The following CELSR2 variants were observed in gnomAD, a reference collection of about 807,000 sequenced individuals.
The protein encoded by CELSR2 is cadherin EGF LAG seven-pass G-type receptor 2, also known as EGF-like protein 2.
A neutral mutation model predicts 251.6 loss-of-function variants in CELSR2; 81 were observed. That is an observed-to-expected ratio of 0.32 (90% CI 0.27 to 0.39). The LOEUF (loss-of-function observed/expected upper bound fraction) is 0.39. Among genes scored for constraint, CELSR2 ranks in the 10% least tolerant of loss-of-function variants. The pLI, the probability that CELSR2 is intolerant of heterozygous loss-of-function variation, is 1.00. For missense variants in CELSR2, 3,365 were observed against 3,947.7 expected, an observed-to-expected ratio of 0.85 and a Z score of 3.96; for synonymous variants, 1,721 against 1,670.5, an observed-to-expected ratio of 1.03 and a Z score of -0.74.
intron 5 of CELSR2, 27 bp from the exon 6 acceptor site, chr1:109,262,260 C>T (rs1402389400): frequency 6.2e-7 from 1 of 1,610,498 alleles, no homozygotes; most frequent in African/African-American, 1.3e-5. Context: ...CTCAGTGTCC[C>T]CCTTCTCTGC....
chr1:109,272,204 T>A (rs1656390253), intron 28 of CELSR2, 74 bp from the exon 29 acceptor site: 2 of 1,504,050 alleles, frequency 1.3e-6, no homozygotes, highest in Non-Finnish European at 1.8e-6. Context: ...GCAAGTTCCC[T>A]CCACCCTCCT....
chr1:109,254,444 T>C (rs1183350750), intron 1 of CELSR2, among the ~76,000 whole-genome samples: 1 of 152,078 alleles, frequency 6.6e-6, no homozygotes, highest in Non-Finnish European at 1.5e-5. Flanking sequence ...GTATTCTGTC[T>C]TTTTTTATCA....
In CELSR2 at chr1:109,250,047, G is replaced by T; in HGVS notation, c.-33G>T. 1 of 1,317,728 alleles carries T rather than the reference G, an allele frequency of 7.6e-7. No individual in the cohort carries two copies. Among genetic ancestry groups the T allele is most frequent in the Non-Finnish European group, 9.6e-7 (1 of 1,041,978 alleles). The allele number at this position is 1,317,728 out of a possible 1,614,324, so 81.6% of individuals were successfully genotyped here. A position where few individuals can be genotyped will look rare whatever the true frequency, so the allele number is the denominator to read the frequency against. On this transcript the variant is annotated 5_prime_UTR_variant, in exon 1 of 34. Coordinates refer to ENST00000271332, the MANE Select transcript of CELSR2 (RefSeq NM_001408.3). This position sits in a 1 kb window ranked among gnomAD's most constrained non-coding sequence, Gnocchi z 4.4. ...AGCCGGAGGAGGAGCCGCCGCCGCC[G>T]TTGACCCGGCCGCCGGCCGGGAGCT...
intron 10 of CELSR2, 21 bp downstream of exon 10, chr1:109,264,386 T>TC: frequency 1.9e-6 from 2 of 1,033,896 alleles, no homozygotes; most frequent in Non-Finnish European, 2.8e-6. Flanking sequence ...TGCCCTGCCC[T>TC]CCCATCCCCT....
Position 109,264,567 on chromosome 1 carries a change from G to C in CELSR2, c.5403G>C (p.Pro1801=), listed in dbSNP as rs777511741. 1 of 1,614,196 alleles carries C rather than the reference G, an allele frequency of 6.2e-7. No homozygotes were observed. Among genetic ancestry groups the C allele is most frequent in the African/African-American group, 1.3e-5 (1 of 75,072 alleles). Residue 1801 remains proline (P), a synonymous_variant, in exon 11 of 34, where the codon CCG becomes CCC. Transcript: ENST00000271332. The part of the protein sequence containing the change: ...CSLPDPCDSN[P]CPANSYCSND... ...TGCCTGACCCTTGTGACTCAAACCCGTGTCCTGCTAACAGCTATTGCAGCA... is the reference window on the plus strand; with the variant it reads ...TGCCTGACCCTTGTGACTCAAACCCCTGTCCTGCTAACAGCTATTGCAGCA...
intron 2 of CELSR2, among the ~76,000 whole-genome samples, chr1:109,259,434 CGTACT>C (rs1472918813): frequency 6.6e-6 from 1 of 152,184 alleles, no homozygotes; most frequent in East Asian, 1.9e-4. Flanking sequence ...AGATAATGAC[CGTACT>C]TAGGTCATAA....
chr1:109,272,375 G>A lies in CELSR2; in HGVS notation c.8024G>A (p.Ser2675Asn). The A allele has an allele frequency of 6.2e-7, 1 of 1,612,002 alleles. No homozygotes were observed. Among genetic ancestry groups the A allele is most frequent in the East Asian group, 2.2e-5 (1 of 44,814 alleles). The change falls in exon 29 of 34, where the codon AGT becomes AAT. Residue 2675 changes from serine to asparagine, a missense_variant. This residue lies in a region of CELSR2 where 2,093 missense variants were observed against 2,382.8 expected (regional missense o/e 0.88). Transcript: ENST00000271332. ...SLHSTSRSGKSQPSYIPFLLR... is the reference protein window; with the variant it reads ...SLHSTSRSGKNQPSYIPFLLR... Reference sequence around the variant, plus strand: ...CACAGCACCAGTCGCTCGGGCAAGAGTCAGCCCAGCTACATCCCCTTCTTG... The same window carrying A: ...CACAGCACCAGTCGCTCGGGCAAGAATCAGCCCAGCTACATCCCCTTCTTG...
chr1:109,259,031 C>T lies in CELSR2; in HGVS notation c.3910C>T (p.Arg1304Cys), dbSNP rs762331409. The stretch of plus-strand genomic sequence containing the variant: ...GCCCTGTGGCCCCCACGGGCGCTGC[C>T]GCAGCCGCGAGGGCGGCTACACCTG... The part of the protein sequence containing the change: ...SRPCGPHGRC[R>C]SREGGYTCLC... Residue 1304 changes from arginine (R) to cysteine (C), a missense_variant, in exon 2 of 34, where the codon CGC (arginine) becomes TGC (cysteine). Around this residue, in one of 5 missense-constraint regions of CELSR2, gnomAD observed 2,093 missense variants for 2,382.8 expected, o/e 0.88. Coordinates refer to ENST00000271332, the MANE Select transcript of CELSR2 (RefSeq NM_001408.3). The T allele has an allele frequency of 8.8e-6, 14 of 1,597,700 alleles. No homozygotes were observed. The Admixed American group carries it at 1.4e-4, about 15-fold the overall frequency.
rs1656503532 is a variant in CELSR2 at position 109,275,433 on chromosome 1, T to C, written c.*1384T>C. ...TTCCAGACTTGTCACTGACTTTCCT[T>C]CTGGAGCAGGTGGCTAGAAAAAGAG... On this transcript the variant is annotated 3_prime_UTR_variant, in exon 34 of 34. Coordinates refer to ENST00000271332, the MANE Select transcript of CELSR2 (RefSeq NM_001408.3). 1 of 152,232 alleles carries C rather than the reference T, an allele frequency of 6.6e-6. No homozygotes were observed. The highest frequency in any genetic ancestry group is 6.5e-5 in the Admixed American group (1 of 15,282). 9.4% of individuals were successfully genotyped at this position (152,232 alleles called of 1,614,324 possible).
Position 109,261,456 on chromosome 1 carries a change from G to C in CELSR2, c.4182-57G>C. 6.5e-7 allele frequency: 1 copy of C among 1,528,074 alleles called. No individual in the cohort carries two copies. The highest frequency in any genetic ancestry group is 2.3e-5 in the East Asian group (1 of 44,428). The allele number at this position is 1,528,074 out of a possible 1,614,324, so 94.7% of individuals were successfully genotyped here. A position where few individuals can be genotyped will look rare whatever the true frequency, so the allele number is the denominator to read the frequency against. ...CCCCTGCGCTGGTTAGGTGGCGGGG[G>C]TGCTGGCATCCAGGTGGGTACCCCA... On this transcript the variant is annotated intron_variant, in intron 3 of 33. Transcript: ENST00000271332. The surrounding 1 kb of genome is among the most constrained non-coding windows in gnomAD (Gnocchi z 4.8).
chr1:109,274,401 T>G lies in CELSR2; in HGVS notation c.*352T>G. ...TTTATACGCTGGAAATTGACTCCCC[T>G]TTCCCTTCCCAAAGAGGATAGGACC... On this transcript the variant is annotated 3_prime_UTR_variant, in exon 34 of 34. Transcript: ENST00000271332. The G allele has an allele frequency of 5.6e-6, 2 of 354,666 alleles. No individual in the cohort carries two copies. Among genetic ancestry groups the G allele is most frequent in the East Asian group, 5.4e-5 (1 of 18,662 alleles). 22.0% of individuals were successfully genotyped at this position (354,666 alleles called of 1,614,324 possible). A position where few individuals can be genotyped will look rare whatever the true frequency, so the allele number is the denominator to read the frequency against.
In CELSR2 at chr1:109,251,173, T is replaced by A; in HGVS notation, c.1094T>A (p.Leu365Gln). 1 of 1,613,536 alleles carries A rather than the reference T, an allele frequency of 6.2e-7. No individual in the cohort carries two copies. The highest frequency in any genetic ancestry group is 8.5e-7 in the Non-Finnish European group (1 of 1,180,004). The change falls in exon 1 of 34, where the codon CTG (leucine) becomes CAG (glutamine). Residue 365 changes from leucine (L) to glutamine (Q), a missense_variant. Physicochemically the swap from Leu to Gln is moderately radical, Grantham distance 113. Around this residue, in one of 5 missense-constraint regions of CELSR2, gnomAD observed 704 missense variants for 784.1 expected, o/e 0.90. Transcript: ENST00000271332. The surrounding 1 kb of genome is among the most constrained non-coding windows in gnomAD (Gnocchi z 4.9). ...VDREEVESYQ[L>Q]TVEASDQGRD... is the part of the protein sequence containing the mutation. ...CGGGAAGAGGTGGAATCCTACCAGC[T>A]GACGGTAGAGGCAAGTGACCAGGGT...
At chr1:109,267,274 G>T (rs189309488) in intron 15 of CELSR2, among the ~76,000 whole-genome samples, 1 of 152,182 alleles carries the variant, frequency 6.6e-6, no homozygotes, top group South Asian at 2.1e-4. Flanking sequence ...GCAGGAAGTG[G>T]CGGAGAGCAC....
intron 1 of CELSR2, among the ~76,000 whole-genome samples, chr1:109,255,108 G>A (rs982936882): frequency 1.3e-4 from 20 of 152,252 alleles, no homozygotes; most frequent in African/African-American, 4.1e-4. Flanking sequence ...CTCCTGGCCC[G>A]GCAGCTCTGG....
rs1656044724 is a variant in CELSR2 at position 109,262,451 on chromosome 1, A to G, written c.4544+7A>G. 6.2e-7 allele frequency: 1 copy of G among 1,612,800 alleles called. No homozygotes were observed. Among genetic ancestry groups the G allele is most frequent in the Non-Finnish European group, 8.5e-7 (1 of 1,179,818 alleles). On this transcript the variant is annotated splice_region_variant and intron_variant, in intron 6 of 33. Transcript: ENST00000271332. ...CCCAGGGTGGCAGCAAGAAGTGAGC[A>G]GGGGAAAGGGCCAGGGATGGGGTGA... is the stretch of plus-strand genomic sequence containing the variant.
chr1:109,259,420 A>G (rs1318917900), intron 2 of CELSR2, among the ~76,000 whole-genome samples: 1 of 152,234 alleles, frequency 6.6e-6, no homozygotes, highest in Admixed American at 6.5e-5. Context: ...GTTATTTGAA[A>G]TGGAGATAAT....
intron 9 of CELSR2, 133 bp downstream of exon 9, chr1:109,263,910 A>T: frequency 7.2e-7 from 1 of 1,386,992 alleles, no homozygotes; most frequent in Non-Finnish European, 9.6e-7. Context: ...TCCGTTGGGA[A>T]GGTCAATGCT....
Position 109,249,664 on chromosome 1 carries a change from C to T in CELSR2, c.-416C>T, listed in dbSNP as rs1199473284. 1.4e-5 allele frequency among the ~76,000 whole-genome samples: 2 copies of T among 146,698 alleles called. No homozygotes were observed. Among genetic ancestry groups the T allele is most frequent in the Non-Finnish European group, 3.0e-5 (2 of 65,958 alleles). ...GGCGGCGCGGGACCGTCGGGGGCCGCCGGGGCCGGGCCGGGGTCGGGGCGC... is the reference window on the plus strand; with the variant it reads ...GGCGGCGCGGGACCGTCGGGGGCCGTCGGGGCCGGGCCGGGGTCGGGGCGC... On this transcript the variant is annotated 5_prime_UTR_variant, in exon 1 of 34. Coordinates refer to ENST00000271332, the MANE Select transcript of CELSR2 (RefSeq NM_001408.3).
intron 1 of CELSR2, among the ~76,000 whole-genome samples, chr1:109,256,498 C>T (rs534727476): frequency 5.3e-5 from 8 of 152,262 alleles, no homozygotes; most frequent in South Asian, 2.1e-4. Flanking sequence ...AGTCAGCCAC[C>T]GCAAGTAGGT....
Sources: gnomAD v4.1 joint callset for allele counts (sites outside exome capture counted in the v4.1 genomes callset) on GRCh38, gnomAD v4.1.1 for gene constraint, gnomAD v4.1.1 regional missense constraint, Gnocchi (gnomAD v3.1) non-coding constraint, MANE v1.5 for transcripts, NCBI Gene and HGNC (gene_info 2026-07-23, HGNC 2026-07-21) for gene names.